Variants in MAPK4 observed in about 807,000 individuals in gnomAD.
MAPK4 encodes mitogen-activated protein kinase 4, also known as Erk3-related.
A neutral mutation model predicts 47.7 loss-of-function variants in MAPK4; 22 were observed. That is an observed-to-expected ratio of 0.46 (90% CI 0.33 to 0.66). The LOEUF (loss-of-function observed/expected upper bound fraction) is 0.66. Ranked by LOEUF, MAPK4 falls within the 30% of genes least tolerant of loss-of-function variation. The pLI, the probability that MAPK4 is intolerant of heterozygous loss-of-function variation, is 0.02. For synonymous variants in MAPK4, 390 were observed against 365.7 expected (o/e 1.07, Z -0.76); for missense variants, 736 against 831.7 (o/e 0.88, Z 1.42).
rs1229998825 is a variant in MAPK4 at position 50,664,130 on chromosome 18, A to G, written c.172A>G (p.Ser58Gly). ...GAAGATTGCCCTGAGCGATGCCCGC[A>G]GCATGAAGCACGCGCTCCGAGAGAT... ...VKKIALSDAR[S>G]MKHALREIKI... The change falls in exon 2 of 6, where the codon AGC (serine) becomes GGC (glycine). Residue 58 changes from serine (S) to glycine (G), a missense_variant. Ser to Gly is a moderately conservative substitution (Grantham distance 56). Transcript: ENST00000400384. This position sits in a 1 kb window ranked among gnomAD's most constrained non-coding sequence, Gnocchi z 6.0. The G allele has an allele frequency of 1.9e-6, 3 of 1,614,176 alleles. No homozygotes were observed. Among genetic ancestry groups the G allele is most frequent in the Admixed American group, 1.7e-5 (1 of 60,034 alleles).
intron 2 of MAPK4, among the ~76,000 whole-genome samples, chr18:50,708,561 G>A (rs1910181120): frequency 6.6e-6 from 1 of 152,180 alleles, no homozygotes; most frequent in Admixed American, 6.5e-5. Context: ...AGGTCCTCAA[G>A]GGATCTGAGA....
intron 2 of MAPK4, among the ~76,000 whole-genome samples, chr18:50,680,550 CA>C (rs1251901872): frequency 6.6e-6 from 1 of 152,014 alleles, no homozygotes; most frequent in Admixed American, 6.6e-5. Context: ...AAAGAAACAT[CA>C]TCCCATCCCC....
At chr18:50,628,770 G>A (rs1197602343) in intron 1 of MAPK4, among the ~76,000 whole-genome samples, 2 of 47,322 alleles carry the variant, frequency 4.2e-5, no homozygotes, top group Non-Finnish European at 1.1e-4. Context: ...ATCACTCAAT[G>A]GTGCCAGGCA....
chr18:50,725,883 T>C, intron 4 of MAPK4, 79 bp from the exon 5 acceptor site: 1 of 1,140,248 alleles, frequency 8.8e-7, no homozygotes, highest in East Asian at 2.3e-5. Flanking sequence ...CAGCACAGAA[T>C]GTCACCGTGC....
intron 1 of MAPK4, among the ~76,000 whole-genome samples, chr18:50,585,391 T>C (rs2042379363): frequency 6.6e-6 from 1 of 152,218 alleles, no homozygotes; most frequent in African/African-American, 2.4e-5. Context: ...CAATGTGTGC[T>C]CTGCTAGGTG....
chr18:50,614,120 C>T (rs1282774716), intron 1 of MAPK4, among the ~76,000 whole-genome samples: 1 of 152,022 alleles, frequency 6.6e-6, no homozygotes, highest in South Asian at 2.1e-4. Context: ...TGCTAATGGA[C>T]AATGTTTGGA....
chr18:50,573,262 G>T (rs2149359313), intron 1 of MAPK4, among the ~76,000 whole-genome samples: 1 of 152,174 alleles, frequency 6.6e-6, no homozygotes, highest in East Asian at 1.9e-4. Context: ...TCTAGACCAG[G>T]GGTCCCCAAC....
chr18:50,729,640 G>A lies in MAPK4; in HGVS notation c.1550G>A (p.Arg517His). Residue 517 changes from arginine to histidine, a missense_variant, in exon 6 of 6, where the codon CGC (arginine) becomes CAC (histidine). Physicochemically the swap from Arg to His is conservative, Grantham distance 29. Transcript: ENST00000400384. ...CCGCCCGCCGACGACCCCGAGCGCC[G>A]CTTGTCTGCCTCGCCCCCCGGCCGC... ...ASPPADDPERRLSASPPGRPA... is the reference protein window; with the variant it reads ...ASPPADDPERHLSASPPGRPA... 2.0e-6 allele frequency: 3 copies of A among 1,484,020 alleles called. No homozygotes were observed. The highest frequency in any genetic ancestry group is 1.5e-5 in the African/African-American group (1 of 68,754). The allele number at this position is 1,484,020 out of a possible 1,614,324, so 91.9% of individuals were successfully genotyped here. A position where few individuals can be genotyped will look rare whatever the true frequency, so the allele number is the denominator to read the frequency against.
intron 1 of MAPK4, among the ~76,000 whole-genome samples, chr18:50,644,333 T>TGGAACCACTGAGTGGCAA (rs1161536535): frequency 3.3e-5 from 5 of 152,126 alleles, no homozygotes; most frequent in African/African-American, 9.6e-5. Flanking sequence ...ATCACCAGAT[T>TGGAACCACTGAGTGGCAA]GGAACCACTG....
intron 1 of MAPK4, among the ~76,000 whole-genome samples, chr18:50,624,743 G>A (rs1235576746): frequency 6.6e-6 from 1 of 151,862 alleles, no homozygotes; most frequent in African/African-American, 2.4e-5. Flanking sequence ...TGGTGATGGT[G>A]TCATTGGTGA....
chr18:50,592,719 G>C (rs4939638), intron 1 of MAPK4, among the ~76,000 whole-genome samples: 28,750 of 152,136 alleles, frequency 0.19, 2,761 homozygotes, highest in East Asian at 0.35. Flanking sequence ...CATGTCTGTT[G>C]CTTTTTGTTC....
At chr18:50,570,601 C>G (rs780580583) in intron 1 of MAPK4, among the ~76,000 whole-genome samples, 9 of 152,222 alleles carry the variant, frequency 5.9e-5, no homozygotes, top group Non-Finnish European at 1.2e-4. Flanking sequence ...CAATTCCTTG[C>G]AGAGGCTGAA....
chr18:50,654,496 A>G (rs2144220054), intron 1 of MAPK4, among the ~76,000 whole-genome samples: 1 of 152,364 alleles, frequency 6.6e-6, no homozygotes, highest in Non-Finnish European at 1.5e-5. Context: ...TTATTTAGCC[A>G]CTGAAGTCAT....
intron 1 of MAPK4, among the ~76,000 whole-genome samples, chr18:50,566,600 A>G (rs905129444): frequency 6.6e-6 from 1 of 152,244 alleles, no homozygotes; most frequent in African/African-American, 2.4e-5. Flanking sequence ...CTGATCCTCA[A>G]AGAACTACTC....
At chr18:50,657,652 C>T (rs1274262636) in intron 1 of MAPK4, among the ~76,000 whole-genome samples, 2 of 151,810 alleles carry the variant, frequency 1.3e-5, no homozygotes, top group Non-Finnish European at 2.9e-5. Flanking sequence ...TTTTGTGCCT[C>T]CCCGACAGGT....
chr18:50,719,083 CA>C (rs11356183), intron 3 of MAPK4, among the ~76,000 whole-genome samples: 20,781 of 124,006 alleles, frequency 0.17, 1,504 homozygotes, highest in South Asian at 0.25. Context: ...GACTCCACCT[CA>C]AAAAAAAAAA....
chr18:50,679,804 C>G (rs1268160520), intron 2 of MAPK4, among the ~76,000 whole-genome samples: 1 of 152,176 alleles, frequency 6.6e-6, no homozygotes, highest in Non-Finnish European at 1.5e-5. Context: ...TCCCTGGGCC[C>G]CACTGTGAGC....
intron 1 of MAPK4, among the ~76,000 whole-genome samples, chr18:50,652,653 A>T (rs2043063077): frequency 6.6e-6 from 1 of 152,210 alleles, no homozygotes; most frequent in South Asian, 2.1e-4. Context: ...ATATTGATGC[A>T]GTAGGTTAGG....
intron 1 of MAPK4, among the ~76,000 whole-genome samples, chr18:50,623,462 C>T (rs143902988): frequency 9.2e-5 from 14 of 152,338 alleles, no homozygotes; most frequent in Admixed American, 2.0e-4. Context: ...TCTTCTTTAG[C>T]CCTTCCTGTC....
Sources: gnomAD v4.1 joint callset for allele counts (sites outside exome capture counted in the v4.1 genomes callset) on GRCh38, gnomAD v4.1.1 for gene constraint, Gnocchi (gnomAD v3.1) non-coding constraint, MANE v1.5 for transcripts, NCBI Gene and HGNC (gene_info 2026-07-23, HGNC 2026-07-21) for gene names.